Variants in CRACDL observed in about 807,000 individuals in gnomAD.
CRACDL encodes the protein CRACD like, also known as CRACD-like protein.
Under a neutral mutation model 70.6 loss-of-function variants are expected in CRACDL, and 26 were observed. The observed-to-expected ratio is 0.37, with a 90% confidence interval of 0.27 to 0.51. The LOEUF is 0.51. Among genes scored for constraint, CRACDL ranks in the 20% least tolerant of loss-of-function variants. The pLI is 0.94. For synonymous variants in CRACDL, 618 were observed against 615.2 expected (o/e 1.00, Z -0.07); for missense variants, 1,283 against 1,376.9 (o/e 0.93, Z 1.08).
intron 1 of CRACDL, among the ~76,000 whole-genome samples, chr2:98,904,506 A>C (rs546825384): frequency 6.6e-6 from 1 of 152,364 alleles, no homozygotes; most frequent in African/African-American, 2.4e-5. Context: ...TCATCTGAGC[A>C]GATGAAGACG....
chr2:98,922,452 A>G (rs1023834712), intron 1 of CRACDL, among the ~76,000 whole-genome samples: 3 of 151,876 alleles, frequency 2.0e-5, no homozygotes, highest in Non-Finnish European at 4.4e-5. Context: ...AAAAAAAAAA[A>G]AAAGAAAAAG....
intron 1 of CRACDL, among the ~76,000 whole-genome samples, chr2:98,910,908 G>A (rs2104674747): frequency 6.6e-6 from 1 of 152,340 alleles, no homozygotes; most frequent in East Asian, 1.9e-4. Flanking sequence ...AAGGTTGCAG[G>A]GAATTACCAC....
At chr2:98,812,480 A>G (rs1704613952) in intron 7 of CRACDL, among the ~76,000 whole-genome samples, 1 of 152,110 alleles carries the variant, frequency 6.6e-6, no homozygotes, top group Non-Finnish European at 1.5e-5. Flanking sequence ...TAATACTCTA[A>G]TGAGAATTGC....
rs552734428 is a variant in CRACDL at position 98,897,982 on chromosome 2, C to T, written c.-11+37956G>A. 1.5e-4 allele frequency among the ~76,000 whole-genome samples: 23 copies of T among 152,326 alleles called. No individual in the cohort carries two copies. In the East Asian group the frequency reaches 4.4e-3, roughly 29 times the overall value. On this transcript the variant is annotated intron_variant, in intron 1 of 9. Transcript: ENST00000397899. ...AAAATCCTGATGCTCCCCAAGCTTT[C>T]GCCACCAGTGGGTGGGTCAAGGAGC...
At chr2:98,859,521 T>C (rs1249291907) in intron 1 of CRACDL, among the ~76,000 whole-genome samples, 1 of 152,304 alleles carries the variant, frequency 6.6e-6, no homozygotes. Flanking sequence ...GAAAAATCAA[T>C]GCAATAAACC....
At chr2:98,860,227 T>C (rs543855172) in intron 1 of CRACDL, among the ~76,000 whole-genome samples, 5 of 152,344 alleles carry the variant, frequency 3.3e-5, no homozygotes, top group Admixed American at 1.3e-4. Flanking sequence ...TTCCCCAAAC[T>C]GATTTACAGA....
chr2:98,908,988 T>C (rs981459507), intron 1 of CRACDL, among the ~76,000 whole-genome samples: 1 of 152,192 alleles, frequency 6.6e-6, no homozygotes, highest in Admixed American at 6.5e-5. Flanking sequence ...TGCCCCAAAC[T>C]TGTCTTGCCC....
At chr2:98,868,251 C>T (rs911493152) in intron 1 of CRACDL, among the ~76,000 whole-genome samples, 31 of 152,212 alleles carry the variant, frequency 2.0e-4, no homozygotes, top group Non-Finnish European at 3.1e-4. Context: ...ACTCCCAGAG[C>T]ACCCTCCAAG....
chr2:98,879,778 C>A (rs568416150), intron 1 of CRACDL, among the ~76,000 whole-genome samples: 1 of 152,276 alleles, frequency 6.6e-6, no homozygotes, highest in African/African-American at 2.4e-5. Context: ...ACTCCTGAGC[C>A]CAGGCAATCC....
At chr2:98,883,768 A>G (rs1707720285) in intron 1 of CRACDL, among the ~76,000 whole-genome samples, 1 of 152,228 alleles carries the variant, frequency 6.6e-6, no homozygotes, top group South Asian at 2.1e-4. Context: ...TGGGCCTAGT[A>G]AGTTTCTCAC....
intron 1 of CRACDL, among the ~76,000 whole-genome samples, chr2:98,881,448 A>G (rs1441278045): frequency 6.6e-6 from 1 of 152,220 alleles, no homozygotes; most frequent in Non-Finnish European, 1.5e-5. Context: ...GCTGCACATC[A>G]GAATTGCCTG....
At chr2:98,925,505 G>C (rs1371069462) in intron 1 of CRACDL, among the ~76,000 whole-genome samples, 1 of 152,198 alleles carries the variant, frequency 6.6e-6, no homozygotes, top group Non-Finnish European at 1.5e-5. Context: ...CAGCCCCTGT[G>C]TGTCAGCTGA....
intron 1 of CRACDL, among the ~76,000 whole-genome samples, chr2:98,910,059 T>A (rs1164053633): frequency 6.6e-6 from 1 of 152,118 alleles, no homozygotes; most frequent in Non-Finnish European, 1.5e-5. Flanking sequence ...TGGCACCACT[T>A]CCCACCTCGG....
intron 1 of CRACDL, among the ~76,000 whole-genome samples, chr2:98,897,991 T>C (rs1708173877): frequency 6.6e-6 from 1 of 152,174 alleles, no homozygotes; most frequent in Admixed American, 6.5e-5. Flanking sequence ...TCGCCACCAG[T>C]GGGTGGGTCA....
At chr2:98,859,971 T>A (rs908693254) in intron 1 of CRACDL, among the ~76,000 whole-genome samples, 1 of 152,070 alleles carries the variant, frequency 6.6e-6, no homozygotes, top group African/African-American at 2.4e-5. Context: ...TTAAGACCAA[T>A]ACAAAAATAA....
chr2:98,804,002 G>T (rs1488427217), intron 7 of CRACDL, among the ~76,000 whole-genome samples: 2 of 152,230 alleles, frequency 1.3e-5, no homozygotes, highest in Middle Eastern at 3.4e-3. Context: ...AGCTTGAGGG[G>T]TTTTGCTTTT....
chr2:98,796,281 C>T lies in CRACDL; in HGVS notation c.2605-17G>A, dbSNP rs1703819487. The T allele has an allele frequency of 6.2e-7, 1 of 1,608,064 alleles. No individual in the cohort carries two copies. Among genetic ancestry groups the T allele is most frequent in the Admixed American group, 1.7e-5 (1 of 59,936 alleles). On this transcript the variant is annotated splice_polypyrimidine_tract_variant and intron_variant, in intron 8 of 9. Transcript: ENST00000397899. ...CACAGGCTCCTGTTGGGACATAAGACACATGCTGCCAAGTTAACAATGATT... is the reference window on the plus strand; with the variant it reads ...CACAGGCTCCTGTTGGGACATAAGATACATGCTGCCAAGTTAACAATGATT...
chr2:98,867,000 TAGA>T (rs1285413962), intron 1 of CRACDL, among the ~76,000 whole-genome samples: 2 of 152,126 alleles, frequency 1.3e-5, no homozygotes, highest in Non-Finnish European at 1.5e-5. Flanking sequence ...TAAAGGAATA[TAGA>T]AGCAGAGGAG....
intron 1 of CRACDL, among the ~76,000 whole-genome samples, chr2:98,879,886 G>A (rs1434144402): frequency 6.6e-6 from 1 of 152,198 alleles, no homozygotes; most frequent in Non-Finnish European, 1.5e-5. Context: ...AAGCAGCGAA[G>A]CCTCAATTTT....
Sources: allele counts gnomAD v4.1 joint callset (sites outside exome capture counted in the v4.1 genomes callset), GRCh38; gene constraint gnomAD v4.1.1; transcripts MANE v1.5; gene names NCBI Gene and HGNC (gene_info 2026-07-23, HGNC 2026-07-21).